TENM3: variants seen among roughly 807,000 people sequenced by gnomAD.
TENM3 encodes the protein teneurin transmembrane protein 3.
TENM3 carries 63 observed loss-of-function variants against 255.1 expected under a neutral mutation model. The observed-to-expected ratio is 0.25, with a 90% CI of 0.20 to 0.30. The LOEUF is 0.30. TENM3 is among the 10% of genes least tolerant of loss of function. The pLI is 1.00. For synonymous variants in TENM3, 1,306 were observed against 1,322.3 expected (o/e 0.99, Z 0.27); for missense variants, 2,929 against 3,461.1 (o/e 0.85, Z 3.86).
chr4:182,347,445 C>T (rs1764900966), intron 3 of TENM3, among the ~76,000 whole-genome samples: 1 of 152,134 alleles, frequency 6.6e-6, no homozygotes, highest in Non-Finnish European at 1.5e-5. Context: ...CAAATATGAT[C>T]ATGCTTTAAA....
chr4:182,143,716 G>A (rs1749647517), upstream of TENM3: 1 of 155,910 alleles, frequency 6.4e-6, no homozygotes, highest in Admixed American at 6.5e-5. The surrounding 1 kb of genome is among the most constrained non-coding windows in gnomAD (Gnocchi z 4.3). Flanking sequence ...CATTTTGTTG[G>A]TGCGTGTGAA....
chr4:181,804,169 A>AGGAGGGAGGGAAAGGGAGGGAG, the TENM3 span, among the ~76,000 whole-genome samples: 1 of 150,572 alleles, frequency 6.6e-6, no homozygotes. Context: ...GAAGGAAAGA[A>AGGAGGGAGGGAAAGGGAGGGAG]GGAAGGAAAG....
chr4:181,553,290 T>TGC, the TENM3 span, among the ~76,000 whole-genome samples: 1 of 117,514 alleles, frequency 8.5e-6, no homozygotes, highest in Non-Finnish European at 1.8e-5. Context: ...TGTGTGTGTG[T>TGC]GTGTGTGTAG....
At chr4:181,984,479 A>G in the TENM3 span, among the ~76,000 whole-genome samples, 4 of 151,976 alleles carry the variant, frequency 2.6e-5, no homozygotes, top group African/African-American at 9.7e-5. Context: ...TTTCCTCTCT[A>G]GAATTCTTGT....
the TENM3 span, among the ~76,000 whole-genome samples, chr4:181,781,679 G>C: frequency 6.6e-5 from 10 of 152,152 alleles, no homozygotes; most frequent in African/African-American, 2.4e-4. Flanking sequence ...GTGAGAGAGG[G>C]CATCCCTGTC....
At chr4:182,453,879 C>G (rs953303856) in intron 3 of TENM3, among the ~76,000 whole-genome samples, 2 of 152,058 alleles carry the variant, frequency 1.3e-5, no homozygotes, top group African/African-American at 4.8e-5. Flanking sequence ...AAGTTGTAAC[C>G]TTTTATAATT....
intron 12 of TENM3, chr4:182,707,827 G>A (rs1197682861): frequency 2.0e-5 from 3 of 152,140 alleles, no homozygotes; most frequent in South Asian, 4.1e-4. Context: ...CCAAGAATTA[G>A]CCTTGGCATT....
At chr4:182,071,255 T>G in the TENM3 span, among the ~76,000 whole-genome samples, 1 of 152,140 alleles carries the variant, frequency 6.6e-6, no homozygotes, top group East Asian at 1.9e-4. Flanking sequence ...AGCTTGGAGT[T>G]TATGGATTAT....
rs746574241 is a variant in TENM3 at position 182,649,088 on chromosome 4, G to T, written c.989-4683G>T. Among the ~76,000 whole-genome samples the T allele has an allele frequency of 5.3e-5, 8 of 151,000 alleles. 1 individual carries two copies. The highest frequency in any genetic ancestry group is 4.3e-4 in the South Asian group (2 of 4,696). The stretch of plus-strand genomic sequence containing the variant: ...CTATGTGGATACATATTTCTATGGG[G>T]TATACAAACAGACTTTTGTAGATGC... On this transcript the variant is annotated intron_variant, in intron 5 of 27. Transcript: ENST00000511685.
intron 6 of TENM3, among the ~76,000 whole-genome samples, chr4:182,663,361 T>G (rs1754383729): frequency 6.6e-6 from 1 of 152,160 alleles, no homozygotes; most frequent in African/African-American, 2.4e-5. Context: ...TAAATTATAC[T>G]TACAATTATT....
chr4:182,602,527 C>A (rs1245004178), intron 4 of TENM3, among the ~76,000 whole-genome samples: 1 of 152,150 alleles, frequency 6.6e-6, no homozygotes, highest in Non-Finnish European at 1.5e-5. Flanking sequence ...TCTGTGTTTT[C>A]TTTTACTCTT....
chr4:182,074,708 A>G, the TENM3 span, among the ~76,000 whole-genome samples: 21 of 152,182 alleles, frequency 1.4e-4, no homozygotes, highest in Non-Finnish European at 3.1e-4. Context: ...CGAGAAATTA[A>G]TGAGGGAGGA....
intron 1 of TENM3, among the ~76,000 whole-genome samples, chr4:182,256,586 G>A (rs893119518): frequency 2.6e-5 from 4 of 152,168 alleles, no homozygotes; most frequent in Admixed American, 6.5e-5. Context: ...ACGAGTTTCA[G>A]GAGTTGGTCA....
the TENM3 span, among the ~76,000 whole-genome samples, chr4:181,805,829 A>G: frequency 1.3e-5 from 2 of 152,146 alleles, no homozygotes; most frequent in Admixed American, 6.5e-5. Context: ...TCTAATTTGT[A>G]TTGATGACAC....
intron 3 of TENM3, among the ~76,000 whole-genome samples, chr4:182,430,839 C>T (rs1771575693): frequency 6.6e-6 from 1 of 151,794 alleles, no homozygotes; most frequent in African/African-American, 2.4e-5. Flanking sequence ...TGGTGAAACC[C>T]TGTCTCTACT....
chr4:181,571,745 C>A, the TENM3 span, among the ~76,000 whole-genome samples: 1 of 152,110 alleles, frequency 6.6e-6, no homozygotes, highest in Non-Finnish European at 1.5e-5. Flanking sequence ...TAAAATCAGG[C>A]AAATCAGCTG....
intron 1 of TENM3, among the ~76,000 whole-genome samples, chr4:182,204,126 A>G (rs901563704): frequency 1.3e-5 from 2 of 152,198 alleles, no homozygotes; most frequent in Admixed American, 1.3e-4. Flanking sequence ...AAGAAAGAAA[A>G]GAGTCAGAGA....
At chr4:182,084,005 A>G in the TENM3 span, among the ~76,000 whole-genome samples, 2 of 152,318 alleles carry the variant, frequency 1.3e-5, no homozygotes, top group East Asian at 3.9e-4. Flanking sequence ...AACAATTTAG[A>G]TGTCAAAGTG....
the TENM3 span, among the ~76,000 whole-genome samples, chr4:181,653,178 G>A: frequency 6.6e-6 from 1 of 152,184 alleles, no homozygotes; most frequent in African/African-American, 2.4e-5. Flanking sequence ...GGCACATTCA[G>A]TCTAGGCCAG....
Sources: gnomAD v4.1 joint callset for allele counts (sites outside exome capture counted in the v4.1 genomes callset) on GRCh38, gnomAD v4.1.1 for gene constraint, Gnocchi (gnomAD v3.1) non-coding constraint, MANE v1.5 for transcripts, NCBI Gene and HGNC (gene_info 2026-07-23, HGNC 2026-07-21) for gene names.